The following THSD7B variants were observed in gnomAD, a reference collection of about 807,000 sequenced individuals.
THSD7B encodes thrombospondin type-1 domain-containing protein 7B.
THSD7B carries 138 observed loss-of-function variants against 213.6 expected under a neutral mutation model. The observed-to-expected ratio is 0.65, with a 90% CI of 0.56 to 0.74. The LOEUF is 0.74. Ranked by LOEUF, THSD7B falls within the 30% of genes least tolerant of loss-of-function variation. THSD7B has a pLI of 0.00. For synonymous variants in THSD7B, 742 were observed against 687.0 expected (o/e 1.08, Z -1.25); for missense variants, 1,931 against 1,991.5 (o/e 0.97, Z 0.58).
intron 5 of THSD7B, among the ~76,000 whole-genome samples, chr2:137,156,865 G>A (rs1679920939): frequency 6.6e-6 from 1 of 152,178 alleles, no homozygotes; most frequent in Non-Finnish European, 1.5e-5. Context: ...ATCAAGTACA[G>A]AGGTTGTGGC....
chr2:137,572,614 C>T (rs958868999), intron 17 of THSD7B, 58 bp downstream of exon 17: 44 of 1,583,940 alleles, frequency 2.8e-5, no homozygotes, highest in African/African-American at 4.0e-5. Flanking sequence ...CACTGTTGTT[C>T]GTTGTGCATT....
At chr2:136,920,416 G>A (rs867207686) in intron 2 of THSD7B, among the ~76,000 whole-genome samples, 27 of 152,190 alleles carry the variant, frequency 1.8e-4, no homozygotes, top group Admixed American at 1.4e-3. Flanking sequence ...GTAATGGGTA[G>A]CTCCTTTCTG....
intron 12 of THSD7B, among the ~76,000 whole-genome samples, chr2:137,382,622 G>A (rs908861680): frequency 3.9e-5 from 6 of 152,244 alleles, no homozygotes; most frequent in Admixed American, 6.5e-5. Context: ...TGACTTACCC[G>A]ATAGTGGGAT....
intron 11 of THSD7B, 64 bp from the exon 12 acceptor site, chr2:137,275,859 T>G: frequency 8.2e-7 from 1 of 1,218,362 alleles, no homozygotes; most frequent in South Asian, 1.3e-5. Context: ...CAAACATATG[T>G]AAGTATTTCT....
chr2:137,380,763 A>G (rs528300931), intron 12 of THSD7B, among the ~76,000 whole-genome samples: 3 of 152,370 alleles, frequency 2.0e-5, no homozygotes, highest in Non-Finnish European at 2.9e-5. Context: ...GCAGACATCC[A>G]GTCCAGCATG....
chr2:137,375,408 A>G (rs1485911908), intron 12 of THSD7B, among the ~76,000 whole-genome samples: 1 of 152,156 alleles, frequency 6.6e-6, no homozygotes, highest in Non-Finnish European at 1.5e-5. Flanking sequence ...GAGGTTAAAT[A>G]CCATTATTCT....
chr2:137,642,875 C>A (rs995729498), intron 21 of THSD7B, among the ~76,000 whole-genome samples: 1 of 152,138 alleles, frequency 6.6e-6, no homozygotes, highest in African/African-American at 2.4e-5. Flanking sequence ...GGTCACAGAT[C>A]CTTCAATCTC....
At chr2:136,879,349 G>A (rs7569625) in intron 1 of THSD7B, among the ~76,000 whole-genome samples, 3,310 of 152,268 alleles carry the variant, frequency 0.022, 61 homozygotes, top group East Asian at 0.092. Context: ...GTCAGGTAGC[G>A]TGATGCCTCC....
intron 2 of THSD7B, among the ~76,000 whole-genome samples, chr2:136,997,426 G>C (rs941480559): frequency 6.6e-6 from 1 of 152,182 alleles, no homozygotes; most frequent in African/African-American, 2.4e-5. Context: ...GCTTGATTTT[G>C]TATGGATACT....
At chr2:136,969,986 G>T (rs559710867) in intron 2 of THSD7B, among the ~76,000 whole-genome samples, 1 of 152,196 alleles carries the variant, frequency 6.6e-6, no homozygotes, top group East Asian at 1.9e-4. Flanking sequence ...GGAAGCGCAG[G>T]CAATGTGGTT....
chr2:137,508,061 T>C (rs1452408680), intron 15 of THSD7B, among the ~76,000 whole-genome samples: 1 of 152,182 alleles, frequency 6.6e-6, no homozygotes, highest in Non-Finnish European at 1.5e-5. Context: ...AAAGTTAGTA[T>C]TTGCAAAACA....
At chr2:137,410,152 G>A (rs2105010806) in intron 13 of THSD7B, among the ~76,000 whole-genome samples, 1 of 152,292 alleles carries the variant, frequency 6.6e-6, no homozygotes, top group Non-Finnish European at 1.5e-5. Flanking sequence ...TGGCTGTGGT[G>A]GAAGCTGTGC....
chr2:137,651,121 T>G (rs1381758318), intron 21 of THSD7B, among the ~76,000 whole-genome samples: 1 of 152,162 alleles, frequency 6.6e-6, no homozygotes, highest in Non-Finnish European at 1.5e-5. Context: ...CCTCTTCAAT[T>G]TTATTTAAAT....
chr2:137,169,286 G>GGT (rs1553476061), intron 6 of THSD7B, among the ~76,000 whole-genome samples: 22 of 140,576 alleles, frequency 1.6e-4, no homozygotes, highest in Admixed American at 2.1e-4. Context: ...TTTATTTGAG[G>GGT]TTTTTTTTTT....
At chr2:137,178,727 A>G (rs1680403359) in intron 7 of THSD7B, among the ~76,000 whole-genome samples, 1 of 152,192 alleles carries the variant, frequency 6.6e-6, no homozygotes, top group Non-Finnish European at 1.5e-5. Context: ...TGCTAAAGAG[A>G]GAGGAACTGC....
At chr2:137,666,997 T>C (rs1232882263) in intron 26 of THSD7B, among the ~76,000 whole-genome samples, 1 of 152,120 alleles carries the variant, frequency 6.6e-6, no homozygotes, top group African/African-American at 2.4e-5. Context: ...CATGTGGTTT[T>C]TGTTTGCCTA....
At chr2:137,411,194 C>A (rs1421445632) in intron 13 of THSD7B, among the ~76,000 whole-genome samples, 5 of 152,192 alleles carry the variant, frequency 3.3e-5, no homozygotes, top group Non-Finnish European at 7.3e-5. Flanking sequence ...TTGCAAGAGA[C>A]CTCTACTAAG....
intron 1 of THSD7B, among the ~76,000 whole-genome samples, chr2:136,878,760 G>A (rs1183215404): frequency 2.6e-5 from 4 of 152,158 alleles, no homozygotes; most frequent in African/African-American, 7.2e-5. Flanking sequence ...TGTTAATGGG[G>A]TTGTTTGTTT....
At chr2:137,532,896 CATAT>C (rs1304632160) in intron 15 of THSD7B, among the ~76,000 whole-genome samples, 2 of 151,214 alleles carry the variant, frequency 1.3e-5, no homozygotes, top group Non-Finnish European at 3.0e-5. Context: ...TGGCTATATG[CATAT>C]ATATGTATAC....
Sources: allele counts gnomAD v4.1 joint callset (sites outside exome capture counted in the v4.1 genomes callset), GRCh38; gene constraint gnomAD v4.1.1; transcripts MANE v1.5; gene names NCBI Gene and HGNC (gene_info 2026-07-23, HGNC 2026-07-21).